Variants in KCNN3 observed in about 807,000 individuals in gnomAD.
The protein encoded by KCNN3 is potassium calcium-activated channel subfamily N member 3.
A neutral mutation model predicts 62.9 loss-of-function variants in KCNN3; 16 were observed. The observed-to-expected ratio is 0.25, with a 90% CI of 0.17 to 0.39. The LOEUF is 0.39. Among genes scored for constraint, KCNN3 ranks in the 10% least tolerant of loss-of-function variants. KCNN3 has a pLI of 1.00. For missense variants in KCNN3, 599 were observed against 949.4 expected, an observed-to-expected ratio of 0.63 and a Z score of 4.85; for synonymous variants, 370 against 389.2, an observed-to-expected ratio of 0.95 and a Z score of 0.58.
At chr1:154,826,096 C>T (rs145495767) in intron 1 of KCNN3, among the ~76,000 whole-genome samples, 1 of 144,150 alleles carries the variant, frequency 6.9e-6, no homozygotes, top group Non-Finnish European at 1.5e-5. Context: ...CAAAAAAAAC[C>T]AAAAAACACT....
intron 2 of KCNN3, among the ~76,000 whole-genome samples, chr1:154,811,843 A>G (rs557605928): frequency 1.3e-5 from 2 of 152,364 alleles, no homozygotes; most frequent in Middle Eastern, 3.4e-3. Context: ...AAGATTCAAC[A>G]GTGCCTTCCA....
Position 154,699,210 on chromosome 1 carries a change from A to C in KCNN3, c.*8766T>G, listed in dbSNP as rs1337578674. On this transcript the variant is annotated 3_prime_UTR_variant, in exon 8 of 8. Coordinates refer to ENST00000271915, the MANE Select transcript of KCNN3 (RefSeq NM_002249.6). ...TTTTTTTTTTTTTTTAATATCCTTT[A>C]CCTTTTTAATAAAAAGTAAAAAACA... 2 of 148,066 alleles carry C rather than the reference A, an allele frequency of 1.4e-5. No homozygotes were observed. The highest frequency in any genetic ancestry group is 4.2e-4 in the South Asian group (2 of 4,728). 9.2% of individuals were successfully genotyped at this position (148,066 alleles called of 1,614,324 possible). A position where few individuals can be genotyped will look rare whatever the true frequency, so the allele number is the denominator to read the frequency against.
At position 154,775,321 on chromosome 1, in the gene KCNN3, A is replaced by G. The variant is rs12566445; in HGVS notation, c.1030-2928T>C. Among the ~76,000 whole-genome samples, 13 of 152,212 alleles carry G rather than the reference A, an allele frequency of 8.5e-5. No individual in the cohort carries two copies. The East Asian group carries it at 2.5e-3, about 29-fold the overall frequency. On this transcript the variant is annotated intron_variant, in intron 2 of 7. Coordinates refer to ENST00000271915, the MANE Select transcript of KCNN3 (RefSeq NM_002249.6). ...TCTACCTGTGATATGTTTCTGCAGC[A>G]AGGGGAACATTCCAGGCAATTCATG... is the stretch of plus-strand genomic sequence containing the variant.
intron 2 of KCNN3, among the ~76,000 whole-genome samples, chr1:154,783,949 C>G (rs11590325): frequency 0.31 from 47,429 of 152,126 alleles, 8,856 homozygotes; most frequent in Middle Eastern, 0.43. Flanking sequence ...GCAACAGGAA[C>G]AGGAAGGGTG....
chr1:154,808,420 T>C (rs1282024008), intron 2 of KCNN3, among the ~76,000 whole-genome samples: 1 of 152,006 alleles, frequency 6.6e-6, no homozygotes, highest in Non-Finnish European at 1.5e-5. Context: ...CCCATGACCA[T>C]CTCAGATGCC....
intron 5 of KCNN3, among the ~76,000 whole-genome samples, chr1:154,723,202 T>C (rs12087736): frequency 6.6e-6 from 1 of 152,162 alleles, no homozygotes; most frequent in African/African-American, 2.4e-5. Flanking sequence ...CAGTTTCATT[T>C]CAATTAAGGT....
chr1:154,732,605 G>A (rs531451371), intron 4 of KCNN3, among the ~76,000 whole-genome samples: 1 of 152,322 alleles, frequency 6.6e-6, no homozygotes, highest in African/African-American at 2.4e-5. Flanking sequence ...ATGGTGCCAA[G>A]GTCAGTGGGA....
At chr1:154,844,464 G>A (rs1427678742) in intron 1 of KCNN3, among the ~76,000 whole-genome samples, 4 of 152,198 alleles carry the variant, frequency 2.6e-5, no homozygotes, top group Non-Finnish European at 4.4e-5. Context: ...GCCGGGCATC[G>A]CGCCGGTCAC....
chr1:154,785,540 T>C (rs968071176), intron 2 of KCNN3, among the ~76,000 whole-genome samples: 1 of 151,430 alleles, frequency 6.6e-6, no homozygotes, highest in Non-Finnish European at 1.5e-5. Context: ...TGAGTCCAAC[T>C]TGTTGGCTGG....
intron 3 of KCNN3, among the ~76,000 whole-genome samples, chr1:154,742,456 A>T (rs918692922): frequency 2.6e-5 from 4 of 152,206 alleles, no homozygotes; most frequent in African/African-American, 7.2e-5. Context: ...GTAAAAGAGG[A>T]TAATACTTGT....
Position 154,742,395 on chromosome 1 carries a change from C to T in KCNN3, c.1449-9251G>A, listed in dbSNP as rs185410517. On this transcript the variant is annotated intron_variant, in intron 3 of 7. Coordinates refer to ENST00000271915, the MANE Select transcript of KCNN3 (RefSeq NM_002249.6). ...GGGCCAGAACACCTATGTTTGAATC[C>T]GGGCTTTGCACCTTAATGTCTGCAT... is the stretch of plus-strand genomic sequence containing the variant. Among the ~76,000 whole-genome samples, 6 of 152,316 alleles carry T rather than the reference C, an allele frequency of 3.9e-5. 1 individual carries two copies. The highest frequency in any genetic ancestry group is 2.1e-4 in the South Asian group (1 of 4,828).
chr1:154,859,312 G>A (rs190740741), intron 1 of KCNN3, among the ~76,000 whole-genome samples: 7 of 152,354 alleles, frequency 4.6e-5, no homozygotes, highest in East Asian at 1.9e-4. Context: ...GGAAGCTTGC[G>A]AGGAGGCAGG....
At chr1:154,827,449 C>T (rs1295668372) in intron 1 of KCNN3, among the ~76,000 whole-genome samples, 1 of 152,190 alleles carries the variant, frequency 6.6e-6, no homozygotes, top group Non-Finnish European at 1.5e-5. Flanking sequence ...CATTCTTACC[C>T]ATCATCCTCA....
chr1:154,830,741 G>T (rs945120786), intron 1 of KCNN3, among the ~76,000 whole-genome samples: 1 of 152,152 alleles, frequency 6.6e-6, no homozygotes, highest in Non-Finnish European at 1.5e-5. Flanking sequence ...TGAGCAGAGG[G>T]TGGCCTACTA....
intron 3 of KCNN3, among the ~76,000 whole-genome samples, chr1:154,757,307 A>C (rs1647770090): frequency 1.3e-5 from 2 of 152,190 alleles, no homozygotes; most frequent in African/African-American, 4.8e-5. Context: ...TAAAGCTGGA[A>C]ACAGGACAGG....
At chr1:154,729,336 G>A (rs1700541715) in intron 4 of KCNN3, among the ~76,000 whole-genome samples, 1 of 152,158 alleles carries the variant, frequency 6.6e-6, no homozygotes, top group South Asian at 2.1e-4. Context: ...CATGGGGCGA[G>A]GGGAGTGGAT....
At chr1:154,784,335 C>T (rs964094865) in intron 2 of KCNN3, among the ~76,000 whole-genome samples, 3 of 152,192 alleles carry the variant, frequency 2.0e-5, no homozygotes, top group Admixed American at 6.5e-5. Context: ...GCCAAAAGGG[C>T]CTTTTCCCAC....
At chr1:154,808,594 T>A (rs1037760349) in intron 2 of KCNN3, among the ~76,000 whole-genome samples, 1 of 152,170 alleles carries the variant, frequency 6.6e-6, no homozygotes, top group South Asian at 2.1e-4. Flanking sequence ...CCACGGTGCC[T>A]GGCTCAGAAC....
Position 154,819,851 on chromosome 1 carries a change from G to A in KCNN3, c.1029+2238C>T, listed in dbSNP as rs573971553. Among the ~76,000 whole-genome samples, 7 of 152,312 alleles carry A rather than the reference G, an allele frequency of 4.6e-5. 1 individual carries two copies. The highest frequency in any genetic ancestry group is 6.8e-3 in the Middle Eastern group (2 of 294). On this transcript the variant is annotated intron_variant, in intron 2 of 7. Transcript: ENST00000271915. ...AGTGCAAGGCCCAGCTAGAAGCAGT[G>A]GGACAAAGGTCACAGGAAAGGGACC...
Sources: gnomAD v4.1 joint callset for allele counts (sites outside exome capture counted in the v4.1 genomes callset) on GRCh38, gnomAD v4.1.1 for gene constraint, MANE v1.5 for transcripts, NCBI Gene and HGNC (gene_info 2026-07-23, HGNC 2026-07-21) for gene names.